The following NAV2 variants were observed in gnomAD, a reference collection of about 807,000 sequenced individuals.
The protein encoded by NAV2 is neuron navigator 2.
NAV2 carries 54 observed loss-of-function variants against 223.2 expected under a neutral mutation model. The observed-to-expected ratio is 0.24, with a 90% CI of 0.19 to 0.30. NAV2 has a LOEUF of 0.30. Ranked by LOEUF, NAV2 falls within the 10% of genes least tolerant of loss-of-function variation. The pLI is 1.00. For missense variants in NAV2, 2,806 were observed against 3,147.5 expected (o/e 0.89, Z 2.60); for synonymous variants, 1,279 against 1,239.3 (o/e 1.03, Z -0.67).
intron 1 of NAV2, among the ~76,000 whole-genome samples, chr11:19,581,390 T>C (rs1590596752): frequency 6.6e-6 from 1 of 152,324 alleles, no homozygotes; most frequent in East Asian, 1.9e-4. Flanking sequence ...ATTATTATAC[T>C]TTAAGTTTTA....
In NAV2 at chr11:19,552,830, C is replaced by A. The variant is rs1027092098; in HGVS notation, c.75+201803C>A. 6.2e-5 allele frequency among the ~76,000 whole-genome samples: 9 copies of A among 145,446 alleles called. No homozygotes were observed. In the Admixed American group the frequency reaches 6.4e-4, roughly 10 times the overall value. On this transcript the variant is annotated intron_variant, in intron 1 of 37. Coordinates refer to the NAV2 transcript ENST00000360655. ...TTTCCTGGGCAGCAGTTCCACCCAC[C>A]AAGGAATTTGCTTACTTCTTTAGCG...
chr11:19,451,154 G>A (rs774208290), intron 1 of NAV2, among the ~76,000 whole-genome samples: 17 of 152,062 alleles, frequency 1.1e-4, no homozygotes, highest in Admixed American at 7.2e-4. Context: ...CGGGACAGAG[G>A]GACATAGCTC....
intron 1 of NAV2, among the ~76,000 whole-genome samples, chr11:19,701,744 C>A (rs2049516787): frequency 6.6e-6 from 1 of 152,182 alleles, no homozygotes; most frequent in South Asian, 2.1e-4. Context: ...AAAACAATAT[C>A]TTTCTAAGCC....
chr11:19,504,968 C>T (rs2043077661), intron 1 of NAV2: 1 of 152,160 alleles, frequency 6.6e-6, no homozygotes, highest in South Asian at 2.1e-4. Flanking sequence ...GTCCATGGTC[C>T]ACAGATAGAA....
At chr11:19,647,352 C>A (rs2047846153) in intron 1 of NAV2, among the ~76,000 whole-genome samples, 1 of 152,140 alleles carries the variant, frequency 6.6e-6, no homozygotes, top group African/African-American at 2.4e-5. Flanking sequence ...CTGCTCTTTG[C>A]TTCCCAAAAT....
chr11:19,874,447 A>G (rs2062721384), intron 4 of NAV2, among the ~76,000 whole-genome samples: 1 of 152,146 alleles, frequency 6.6e-6, no homozygotes, highest in African/African-American at 2.4e-5. Context: ...CCTTCTCTAG[A>G]ACTCCAGAAA....
intron 1 of NAV2, among the ~76,000 whole-genome samples, chr11:19,452,804 T>A (rs910227666): frequency 3.9e-5 from 6 of 152,234 alleles, no homozygotes; most frequent in Non-Finnish European, 7.3e-5. Context: ...CTAGTGAATG[T>A]GTATTGCTTT....
chr11:19,807,163 C>T (rs1420098150), intron 1 of NAV2, among the ~76,000 whole-genome samples: 2 of 152,190 alleles, frequency 1.3e-5, no homozygotes, highest in African/African-American at 4.8e-5. Context: ...AACCCATGGC[C>T]TTTCTGTTCA....
At chr11:19,498,681 C>T (rs1285351249) in intron 1 of NAV2, among the ~76,000 whole-genome samples, 2 of 152,176 alleles carry the variant, frequency 1.3e-5, no homozygotes, top group East Asian at 3.8e-4. Flanking sequence ...TCTGCCTGCC[C>T]ATCGATCCAT....
intron 1 of NAV2, among the ~76,000 whole-genome samples, chr11:19,787,565 T>C (rs969392761): frequency 6.6e-6 from 1 of 152,170 alleles, no homozygotes; most frequent in Non-Finnish European, 1.5e-5. Flanking sequence ...GGGCAAGTTG[T>C]TTAATTTGTC....
intron 1 of NAV2, among the ~76,000 whole-genome samples, chr11:19,603,489 T>C (rs1315603428): frequency 6.6e-6 from 1 of 151,834 alleles, no homozygotes; most frequent in African/African-American, 2.4e-5. Flanking sequence ...TACCCTGGCA[T>C]GGTGGCATGC....
intron 3 of NAV2, among the ~76,000 whole-genome samples, chr11:19,857,809 T>C (rs2061483216): frequency 6.6e-6 from 1 of 152,212 alleles, no homozygotes; most frequent in African/African-American, 2.4e-5. Context: ...AATTGATACT[T>C]CAGTTGCCAT....
chr11:19,379,961 A>G (rs1848779621), intron 1 of NAV2, among the ~76,000 whole-genome samples: 1 of 151,976 alleles, frequency 6.6e-6, no homozygotes, highest in African/African-American at 2.4e-5. Flanking sequence ...TTTAGTATCT[A>G]TAGTTATAGA....
intron 1 of NAV2, among the ~76,000 whole-genome samples, chr11:19,769,006 C>T (rs1565283963): frequency 6.6e-6 from 1 of 152,200 alleles, no homozygotes; most frequent in African/African-American, 2.4e-5. Flanking sequence ...GGCAGCTGTG[C>T]AGCTTTGGAC....
Position 20,114,787 on chromosome 11 carries a change from G to GA in NAV2, c.7157dup (p.Asp2386GlufsTer23). On this transcript the variant is annotated frameshift_variant, in exon 37 of 38. Transcript: ENST00000349880. LOFTEE classifies it high-confidence loss of function. ...GATGCCCCCCAGTGATGCTGAAGGTGACCCGCTGGTGAGTCCTCAGCCACC... is the reference window on the plus strand; with the variant it reads ...GATGCCCCCCAGTGATGCTGAAGGTGAACCCGCTGGTGAGTCCTCAGCCACC... 1.2e-6 allele frequency: 2 copies of GA among 1,613,108 alleles called. No individual in the cohort carries two copies. Among genetic ancestry groups the GA allele is most frequent in the Non-Finnish European group, 1.7e-6 (2 of 1,179,670 alleles).
intron 1 of NAV2, among the ~76,000 whole-genome samples, chr11:19,501,986 G>A (rs1387054960): frequency 1.3e-5 from 2 of 152,116 alleles, no homozygotes; most frequent in African/African-American, 4.8e-5. Context: ...GTGAACAGTC[G>A]ATGGGTCTCA....
intron 4 of NAV2, among the ~76,000 whole-genome samples, chr11:19,871,809 T>A (rs1373576800): frequency 1.3e-5 from 2 of 152,120 alleles, no homozygotes. Flanking sequence ...GATGTCCAAT[T>A]TGGGACTGGA....
chr11:19,422,508 T>A (rs2133508667), intron 1 of NAV2, among the ~76,000 whole-genome samples: 1 of 152,232 alleles, frequency 6.6e-6, no homozygotes, highest in Non-Finnish European at 1.5e-5. Flanking sequence ...TGCACAGGAT[T>A]GTGGGTTGGG....
At chr11:19,670,687 A>T (rs1202297911) in intron 1 of NAV2, among the ~76,000 whole-genome samples, 1 of 152,152 alleles carries the variant, frequency 6.6e-6, no homozygotes, top group Non-Finnish European at 1.5e-5. Flanking sequence ...TCCACACCCA[A>T]AGGAAGGCCC....
Sources: gnomAD v4.1 joint callset for allele counts (sites outside exome capture counted in the v4.1 genomes callset) on GRCh38, gnomAD v4.1.1 for gene constraint, MANE v1.5 for transcripts, NCBI Gene and HGNC (gene_info 2026-07-23, HGNC 2026-07-21) for gene names.